Variants in DISC1 observed in about 807,000 individuals in gnomAD.
DISC1 encodes the protein DISC1 scaffold protein.
A neutral mutation model predicts 84.5 loss-of-function variants in DISC1; 57 were observed. The observed-to-expected ratio is 0.67, with a 90% CI of 0.55 to 0.84. The LOEUF (loss-of-function observed/expected upper bound fraction) is 0.84. Ranked by LOEUF, DISC1 falls within the 40% of genes least tolerant of loss-of-function variation. DISC1 has a pLI of 0.00. For missense variants in DISC1, 1,000 were observed against 1,057.8 expected (o/e 0.95, Z 0.76); for synonymous variants, 411 against 415.2 (o/e 0.99, Z 0.12).
chr1:231,812,604 C>T (rs1179808953), intron 8 of DISC1, among the ~76,000 whole-genome samples: 1 of 152,128 alleles, frequency 6.6e-6, no homozygotes, highest in Non-Finnish European at 1.5e-5. Flanking sequence ...TATGAGAATA[C>T]CCAGGTTTCA....
In DISC1 at chr1:231,818,324, T is replaced by C; in HGVS notation, c.1793-5T>C. ...TCCCTTCTTCTCTCCCACAACGTGC[T>C]GTAGGAAACCATTTCTGGACGGCTA... On this transcript the variant is annotated splice_polypyrimidine_tract_variant and splice_region_variant and intron_variant, in intron 8 of 12. Coordinates refer to ENST00000439617, the MANE Select transcript of DISC1 (RefSeq NM_018662.3). The C allele has an allele frequency of 6.2e-7, 1 of 1,613,798 alleles. No homozygotes were observed. Among genetic ancestry groups the C allele is most frequent in the Non-Finnish European group, 8.5e-7 (1 of 1,179,816 alleles).
intron 3 of DISC1, chr1:231,723,039 A>G: frequency 9.1e-7 from 1 of 1,101,596 alleles, no homozygotes; most frequent in South Asian, 2.5e-5. Flanking sequence ...CTTGGTGGCA[A>G]TATGTACTAC....
chr1:231,902,098 T>C (rs1032447905), intron 9 of DISC1, among the ~76,000 whole-genome samples: 1 of 152,068 alleles, frequency 6.6e-6, no homozygotes, highest in East Asian at 1.9e-4. Context: ...CAGTACATTA[T>C]GGCAACTTTT....
At position 231,664,382 on chromosome 1, in the gene DISC1, C is replaced by T. The variant is rs190455543; in HGVS notation, c.68-29444C>T. Among the ~76,000 whole-genome samples, 956 of 152,200 alleles carry T rather than the reference C, an allele frequency of 6.3e-3. 3 individuals carry two copies. Among genetic ancestry groups the T allele is most frequent in the Non-Finnish European group, 8.7e-3 (595 of 68,002 alleles). On this transcript the variant is annotated intron_variant, in intron 1 of 12. Coordinates refer to ENST00000439617, the MANE Select transcript of DISC1 (RefSeq NM_018662.3). ...ATAGTTGTGGTAGGCAGAATAATAT[C>T]CCCCCAAAGATGTCTGCATCCCAAT...
intron 9 of DISC1, among the ~76,000 whole-genome samples, chr1:231,878,127 G>C (rs766056375): frequency 8.5e-5 from 13 of 152,148 alleles, no homozygotes; most frequent in Non-Finnish European, 1.6e-4. Flanking sequence ...TATTCTATCA[G>C]GCAGGTGCTG....
At chr1:231,715,914 G>C (rs1368365471) in intron 3 of DISC1, among the ~76,000 whole-genome samples, 1 of 152,166 alleles carries the variant, frequency 6.6e-6, no homozygotes, top group Admixed American at 6.5e-5. Flanking sequence ...GAGGGGGACT[G>C]GGTGAGGAGA....
At chr1:231,912,706 G>A (rs2089304565) in intron 9 of DISC1, among the ~76,000 whole-genome samples, 1 of 151,942 alleles carries the variant, frequency 6.6e-6, no homozygotes. Context: ...TCTCTTCAAA[G>A]CTGTCAGACA....
At chr1:231,922,523 G>T (rs1332636713) in intron 9 of DISC1, among the ~76,000 whole-genome samples, 1 of 152,194 alleles carries the variant, frequency 6.6e-6, no homozygotes, top group Non-Finnish European at 1.5e-5. Context: ...GCAGGGCTTG[G>T]CATTGGGACA....
intron 1 of DISC1, among the ~76,000 whole-genome samples, chr1:231,653,892 T>C (rs1232695844): frequency 6.6e-6 from 1 of 152,172 alleles, no homozygotes; most frequent in Non-Finnish European, 1.5e-5. Flanking sequence ...CAGGGAAGCA[T>C]TGTAACATTA....
rs570466343 is a variant in DISC1, at chr1:232,016,974, C to T, written c.2307+7925C>T. Among the ~76,000 whole-genome samples the T allele has an allele frequency of 2.3e-4, 35 of 152,242 alleles. 1 individual carries two copies. In the South Asian group the frequency reaches 6.4e-3, roughly 28 times the overall value. On this transcript the variant is annotated intron_variant, in intron 11 of 12. Coordinates refer to ENST00000439617, the MANE Select transcript of DISC1 (RefSeq NM_018662.3). ...GCCTCTCTGCTTATTGGCATTTACA[C>T]GACTGTAGAACTCGGCATTTATATG... is the stretch of plus-strand genomic sequence containing the variant.
At chr1:231,745,732 A>G (rs1047268378) in intron 3 of DISC1, among the ~76,000 whole-genome samples, 38 of 152,020 alleles carry the variant, frequency 2.5e-4, no homozygotes, top group East Asian at 7.7e-4. Context: ...AATATCCTCT[A>G]TCCTACCTCT....
At chr1:231,823,135 T>G (rs2081616124) in intron 9 of DISC1, among the ~76,000 whole-genome samples, 1 of 152,190 alleles carries the variant, frequency 6.6e-6, no homozygotes, top group Non-Finnish European at 1.5e-5. Context: ...ACTTCACACC[T>G]ATTAAGAAAA....
intron 6 of DISC1, among the ~76,000 whole-genome samples, chr1:231,773,323 G>T (rs1434263020): frequency 6.6e-6 from 1 of 152,180 alleles, no homozygotes; most frequent in Non-Finnish European, 1.5e-5. Flanking sequence ...TCACAGAGAA[G>T]GCATGAATGT....
intron 10 of DISC1, among the ~76,000 whole-genome samples, chr1:231,999,092 A>G (rs74146535): frequency 8.5e-4 from 130 of 152,304 alleles, no homozygotes; most frequent in African/African-American, 2.9e-3. Flanking sequence ...CAATAGAAGA[A>G]GATTTGATCC....
chr1:231,796,522 C>A (rs994028764), intron 7 of DISC1, among the ~76,000 whole-genome samples: 1 of 151,882 alleles, frequency 6.6e-6, no homozygotes, highest in African/African-American at 2.4e-5. Context: ...GTGATGTTGG[C>A]AAAAATGTCT....
chr1:231,709,200 T>C (rs2067481304), intron 3 of DISC1, among the ~76,000 whole-genome samples: 1 of 152,206 alleles, frequency 6.6e-6, no homozygotes, highest in Admixed American at 6.5e-5. Flanking sequence ...TGCCCATTTG[T>C]GTTTGCAGGT....
intron 9 of DISC1, among the ~76,000 whole-genome samples, chr1:231,872,641 C>T (rs2085550436): frequency 6.6e-6 from 1 of 151,854 alleles, no homozygotes; most frequent in South Asian, 2.1e-4. Context: ...TACTGTTTGC[C>T]TTTGTGTCCC....
At chr1:231,647,322 T>A (rs1188407491) in intron 1 of DISC1, among the ~76,000 whole-genome samples, 2 of 152,250 alleles carry the variant, frequency 1.3e-5, no homozygotes, top group Non-Finnish European at 2.9e-5. Context: ...AAATAGGGAA[T>A]CCTTTCCCCA....
At chr1:231,726,203 G>A (rs773856893) in intron 3 of DISC1, among the ~76,000 whole-genome samples, 1 of 152,174 alleles carries the variant, frequency 6.6e-6, no homozygotes, top group Admixed American at 6.5e-5. Context: ...TAACATGAAG[G>A]CATGAAGAAG....
Sources: allele counts gnomAD v4.1 joint callset (sites outside exome capture counted in the v4.1 genomes callset), GRCh38; gene constraint gnomAD v4.1.1; transcripts MANE v1.5; gene names NCBI Gene and HGNC (gene_info 2026-07-23, HGNC 2026-07-21).